The following ZFPM2 variants were observed in gnomAD, a reference collection of about 807,000 sequenced individuals.
The protein encoded by ZFPM2 is zinc finger protein ZFPM2.
A neutral mutation model predicts 98.6 loss-of-function variants in ZFPM2; 20 were observed. That is an observed-to-expected ratio of 0.20 (90% CI 0.14 to 0.29). ZFPM2 has a LOEUF of 0.29. Among genes scored for constraint, ZFPM2 ranks in the 10% least tolerant of loss-of-function variants. ZFPM2 has a pLI of 1.00. For synonymous variants in ZFPM2, 518 were observed against 502.7 expected, an observed-to-expected ratio of 1.03 and a Z score of -0.41; for missense variants, 1,310 against 1,388.6, an observed-to-expected ratio of 0.94 and a Z score of 0.90.
At chr8:105,751,927 G>T (rs1812486027) in intron 5 of ZFPM2, among the ~76,000 whole-genome samples, 1 of 152,072 alleles carries the variant, frequency 6.6e-6, no homozygotes, top group Non-Finnish European at 1.5e-5. Flanking sequence ...TGCAAAAGAT[G>T]AAAATAAAAC....
intron 4 of ZFPM2, among the ~76,000 whole-genome samples, chr8:105,619,946 G>T (rs1816500202): frequency 6.6e-6 from 1 of 152,104 alleles, no homozygotes; most frequent in Non-Finnish European, 1.5e-5. Flanking sequence ...GGACATTTGG[G>T]TTGGCTCCAA....
chr8:105,711,508 C>T (rs1368927313), intron 5 of ZFPM2, among the ~76,000 whole-genome samples: 3 of 152,024 alleles, frequency 2.0e-5, no homozygotes, highest in Admixed American at 6.6e-5. Flanking sequence ...GGCTCAAATC[C>T]TCTCTTCTAG....
At chr8:105,706,943 G>A (rs1811277945) in intron 5 of ZFPM2, among the ~76,000 whole-genome samples, 2 of 151,688 alleles carry the variant, frequency 1.3e-5, no homozygotes, top group South Asian at 4.2e-4. Flanking sequence ...TGGTAGTGTA[G>A]ATTAAAAAGT....
chr8:105,364,548 T>C (rs1810471939), intron 1 of ZFPM2, among the ~76,000 whole-genome samples: 1 of 152,096 alleles, frequency 6.6e-6, no homozygotes, highest in Admixed American at 6.6e-5. Flanking sequence ...CCCTATTTCA[T>C]TGTAACTAAA....
intron 5 of ZFPM2, among the ~76,000 whole-genome samples, chr8:105,699,570 T>C (rs1369562897): frequency 6.6e-6 from 1 of 152,134 alleles, no homozygotes; most frequent in Admixed American, 6.5e-5. Flanking sequence ...ATGTTTTTCT[T>C]TTTATAAAGA....
chr8:105,769,989 TTC>T (rs1410270684), intron 5 of ZFPM2, among the ~76,000 whole-genome samples: 10 of 152,104 alleles, frequency 6.6e-5, no homozygotes, highest in African/African-American at 4.8e-5. Context: ...GTTAAAAACA[TTC>T]TCTTTTTCCC....
At chr8:105,734,999 T>G (rs1812034211) in intron 5 of ZFPM2, among the ~76,000 whole-genome samples, 1 of 150,134 alleles carries the variant, frequency 6.7e-6, no homozygotes, top group Non-Finnish European at 1.5e-5. Context: ...TATACTTCAT[T>G]AATATATATT....
chr8:105,355,829 C>T (rs552084039), intron 1 of ZFPM2, among the ~76,000 whole-genome samples: 3 of 152,148 alleles, frequency 2.0e-5, no homozygotes, highest in South Asian at 4.1e-4. Flanking sequence ...ATTTCAGGTA[C>T]GAACTTAATT....
At chr8:105,632,982 A>G (rs960055953) in intron 4 of ZFPM2, among the ~76,000 whole-genome samples, 1 of 152,154 alleles carries the variant, frequency 6.6e-6, no homozygotes, top group Non-Finnish European at 1.5e-5. Flanking sequence ...TAACAGTTGT[A>G]ATATAATTGA....
intron 3 of ZFPM2, among the ~76,000 whole-genome samples, chr8:105,545,852 C>T (rs1323106498): frequency 6.6e-6 from 1 of 152,010 alleles, no homozygotes; most frequent in East Asian, 1.9e-4. Context: ...TTTTTTTTTA[C>T]TAATGCATAA....
chr8:105,588,386 A>G (rs1472868959), intron 4 of ZFPM2, among the ~76,000 whole-genome samples: 1 of 152,240 alleles, frequency 6.6e-6, no homozygotes, highest in African/African-American at 2.4e-5. Context: ...TGACACAGAG[A>G]ATATTTTTCT....
At chr8:105,392,451 T>G (rs1433436117) in intron 1 of ZFPM2, among the ~76,000 whole-genome samples, 1 of 152,184 alleles carries the variant, frequency 6.6e-6, no homozygotes, top group Non-Finnish European at 1.5e-5. Context: ...ATGAAGACCA[T>G]TGATAAAGCC....
chr8:105,745,302 C>T (rs1018725749), intron 5 of ZFPM2, among the ~76,000 whole-genome samples: 2 of 152,100 alleles, frequency 1.3e-5, no homozygotes, highest in Non-Finnish European at 2.9e-5. Flanking sequence ...TGTTTCAGTT[C>T]TTCAGATAAA....
chr8:105,589,030 A>C (rs1228617515), intron 4 of ZFPM2, among the ~76,000 whole-genome samples: 1 of 152,232 alleles, frequency 6.6e-6, no homozygotes, highest in Non-Finnish European at 1.5e-5. Flanking sequence ...AACTCAAAAC[A>C]TGTTACAAAG....
intron 3 of ZFPM2, among the ~76,000 whole-genome samples, chr8:105,470,636 G>C (rs374373061): frequency 1.2e-4 from 19 of 152,120 alleles, no homozygotes; most frequent in East Asian, 9.6e-4. Flanking sequence ...AACTTATCCA[G>C]GAGTGGTGGC....
At chr8:105,383,896 C>T (rs1810935752) in intron 1 of ZFPM2, among the ~76,000 whole-genome samples, 1 of 152,108 alleles carries the variant, frequency 6.6e-6, no homozygotes, top group South Asian at 2.1e-4. Context: ...GCTTATATTG[C>T]TCTTGTCTTC....
intron 1 of ZFPM2, among the ~76,000 whole-genome samples, chr8:105,369,401 A>T (rs1311068772): frequency 6.6e-6 from 1 of 151,734 alleles, no homozygotes; most frequent in Non-Finnish European, 1.5e-5. Flanking sequence ...GAGGCTAAAA[A>T]TTTTTTTTTA....
At chr8:105,636,178 A>T (rs1816843896) in intron 5 of ZFPM2, among the ~76,000 whole-genome samples, 1 of 152,146 alleles carries the variant, frequency 6.6e-6, no homozygotes. Flanking sequence ...ACCATCTGAA[A>T]GATTTTGGAT....
At chr8:105,545,962 C>T (rs1814688307) in intron 3 of ZFPM2, among the ~76,000 whole-genome samples, 1 of 152,082 alleles carries the variant, frequency 6.6e-6, no homozygotes, top group African/African-American at 2.4e-5. Flanking sequence ...GGGTGACCCA[C>T]CTTTGATGTT....
Sources: allele counts gnomAD v4.1 joint callset (sites outside exome capture counted in the v4.1 genomes callset), GRCh38; gene constraint gnomAD v4.1.1; transcripts MANE v1.5; gene names NCBI Gene and HGNC (gene_info 2026-07-23, HGNC 2026-07-21).